Variants in MRAP2 observed in about 807,000 individuals in gnomAD.
MRAP2 encodes the protein melanocortin-2 receptor accessory protein 2.
In MRAP2, 20 loss-of-function variants were observed where a neutral mutation model predicts 17.4. The observed-to-expected ratio is 1.15, with a 90% CI of 0.81 to 1.67. The LOEUF (loss-of-function observed/expected upper bound fraction) is 1.67. MRAP2 is among the 40% of genes most tolerant of loss of function. The pLI is 0.00. For missense variants in MRAP2, 238 were observed against 240.0 expected (o/e 0.99, Z 0.05); for synonymous variants, 96 against 88.4 (o/e 1.09, Z -0.48).
rs1033615877 is a variant in MRAP2 at position 84,090,006 on chromosome 6, G to C, written c.*525G>C. 8.3e-5 allele frequency: 13 copies of C among 155,970 alleles called. No individual in the cohort carries two copies. The highest frequency in any genetic ancestry group is 3.1e-4 in the African/African-American group (13 of 41,518). 9.7% of individuals were successfully genotyped at this position (155,970 alleles called of 1,614,324 possible). ...ACCTATTGTCAGCATTCTTGGGTGA[G>C]GATTAGCCTACCATGTTCTAATCTG... On this transcript the variant is annotated 3_prime_UTR_variant, in exon 4 of 4. Coordinates refer to ENST00000257776, the MANE Select transcript of MRAP2 (RefSeq NM_138409.4).
chr6:84,063,857 G>A (rs2099493799), intron 3 of MRAP2, among the ~76,000 whole-genome samples: 1 of 151,826 alleles, frequency 6.6e-6, no homozygotes, highest in Non-Finnish European at 1.5e-5. Context: ...GACCTGCCTC[G>A]CTATGGTGAA....
rs776388841 is a variant in MRAP2 at position 84,056,887 on chromosome 6, A to T, written c.127+1442A>T. ...CAATTGAATAAAATATTTTTTGAGG[A>T]TATTACATTCTAGAAATAATTATAG... is the stretch of plus-strand genomic sequence containing the variant. On this transcript the variant is annotated intron_variant, in intron 2 of 3. Coordinates refer to ENST00000257776, the MANE Select transcript of MRAP2 (RefSeq NM_138409.4). Among the ~76,000 whole-genome samples, 158 of 152,292 alleles carry T rather than the reference A, an allele frequency of 1.0e-3. 1 individual carries two copies. Among genetic ancestry groups the T allele is most frequent in the Middle Eastern group, 3.4e-3 (1 of 294 alleles).
chr6:84,117,544 G>A, the MRAP2 span, among the ~76,000 whole-genome samples: 11 of 151,246 alleles, frequency 7.3e-5, no homozygotes, highest in African/African-American at 2.4e-4. Context: ...ATTTCAAAAT[G>A]TGTTATTGTT....
chr6:84,133,157 C>G, the MRAP2 span, among the ~76,000 whole-genome samples: 1 of 152,182 alleles, frequency 6.6e-6, no homozygotes, highest in Non-Finnish European at 1.5e-5. Flanking sequence ...GTATCACCAG[C>G]AGAGGCTGCA....
intron 3 of MRAP2, among the ~76,000 whole-genome samples, chr6:84,085,475 G>T (rs2099500196): frequency 1.3e-5 from 2 of 152,156 alleles, no homozygotes; most frequent in Non-Finnish European, 2.9e-5. Context: ...AAAATGTCAG[G>T]AGTTTAGACT....
At chr6:84,112,246 G>T in the MRAP2 span, among the ~76,000 whole-genome samples, 1 of 152,090 alleles carries the variant, frequency 6.6e-6, no homozygotes, top group African/African-American at 2.4e-5. Context: ...GCTTCTTTTG[G>T]TTGGTAGGCT....
intron 3 of MRAP2, among the ~76,000 whole-genome samples, chr6:84,084,752 A>ATC (rs2099499843): frequency 6.6e-6 from 1 of 152,104 alleles, no homozygotes; most frequent in Admixed American, 6.5e-5. Flanking sequence ...AGTTTGAATG[A>ATC]TCTCCATGAT....
chr6:84,105,829 T>C, the MRAP2 span, among the ~76,000 whole-genome samples: 5 of 152,274 alleles, frequency 3.3e-5, no homozygotes, highest in East Asian at 9.7e-4. Context: ...GTTTTATCTC[T>C]TGGTGGAAGT....
In MRAP2 at chr6:84,033,810, G is replaced by A; in HGVS notation, c.-81G>A. ...TGGGCGGTGGGAGGCGGCGGCGGCG[G>A]CGGCGCTCGCGCACCTCGGAGGAGC... On this transcript the variant is annotated 5_prime_UTR_variant, in exon 1 of 4. Coordinates refer to ENST00000257776, the MANE Select transcript of MRAP2 (RefSeq NM_138409.4). The A allele has an allele frequency of 1.0e-6, 1 of 986,788 alleles. No homozygotes were observed. The highest frequency in any genetic ancestry group is 1.2e-6 in the Non-Finnish European group (1 of 831,274). 61.1% of individuals were successfully genotyped at this position (986,788 alleles called of 1,614,324 possible).
intron 3 of MRAP2, among the ~76,000 whole-genome samples, chr6:84,074,336 T>A (rs545011112): frequency 1.3e-5 from 2 of 152,276 alleles, no homozygotes; most frequent in African/African-American, 2.4e-5. Flanking sequence ...CATATCTGGC[T>A]CTCTGGGTGG....
chr6:84,130,173 ATGG>A, the MRAP2 span, among the ~76,000 whole-genome samples: 6 of 152,168 alleles, frequency 3.9e-5, no homozygotes, highest in Non-Finnish European at 8.8e-5. Flanking sequence ...TGATTTGCGT[ATGG>A]TGAACCAGAC....
chr6:84,144,664 G>T, the MRAP2 span, among the ~76,000 whole-genome samples: 1 of 152,158 alleles, frequency 6.6e-6, no homozygotes, highest in South Asian at 2.1e-4. Context: ...TGAAAAGATT[G>T]ATTGGTTCAC....
At chr6:84,057,551 T>G (rs1437545816) in intron 2 of MRAP2, among the ~76,000 whole-genome samples, 3 of 152,194 alleles carry the variant, frequency 2.0e-5, no homozygotes, top group African/African-American at 7.2e-5. Context: ...TTAAACCTTA[T>G]CATGTATCAG....
chr6:84,098,988 T>C, the MRAP2 span, among the ~76,000 whole-genome samples: 3 of 152,058 alleles, frequency 2.0e-5, no homozygotes, highest in East Asian at 5.8e-4. Flanking sequence ...ATAGATATCA[T>C]GCTTTTAGTG....
chr6:84,037,262 G>A (rs547516257), intron 1 of MRAP2, among the ~76,000 whole-genome samples: 2 of 146,080 alleles, frequency 1.4e-5, no homozygotes, highest in South Asian at 4.3e-4. Flanking sequence ...AGTTCTCCAA[G>A]TCCCCACCAG....
At chr6:84,035,604 G>A (rs750251815) in intron 1 of MRAP2, 2 of 171,956 alleles carry the variant, frequency 1.2e-5, no homozygotes, top group African/African-American at 2.4e-5. Flanking sequence ...TTTGTGAAGC[G>A]CGCGCTGGTG....
In MRAP2 at chr6:84,062,909, A is replaced by G. The variant is rs760744804; in HGVS notation, c.144A>G (p.Gly48=). ...LKAHKYSIVI[G]FWVGLAVFVI... is the part of the protein sequence containing the mutation. ...GTCTTTCAGATTCCATTGTGATTGG[A>G]TTTTGGGTTGGTCTTGCAGTCTTCG... The change falls in exon 3 of 4, where the codon GGA becomes GGG. Residue 48 remains glycine (G), a synonymous_variant. Transcript: ENST00000257776. 1.2e-6 allele frequency: 2 copies of G among 1,614,010 alleles called. No individual in the cohort carries two copies. The highest frequency in any genetic ancestry group is 1.7e-6 in the Non-Finnish European group (2 of 1,180,028).
chr6:84,101,229 C>T, the MRAP2 span, among the ~76,000 whole-genome samples: 1 of 152,108 alleles, frequency 6.6e-6, no homozygotes, highest in Non-Finnish European at 1.5e-5. Context: ...TACACTGGCC[C>T]TTTATCTTAT....
At chr6:84,105,778 A>G in the MRAP2 span, among the ~76,000 whole-genome samples, 1 of 152,120 alleles carries the variant, frequency 6.6e-6, no homozygotes, top group Non-Finnish European at 1.5e-5. Context: ...AGCCCAAAGT[A>G]GCTGGATTGC....
Sources: gnomAD v4.1 joint callset for allele counts (sites outside exome capture counted in the v4.1 genomes callset) on GRCh38, gnomAD v4.1.1 for gene constraint, MANE v1.5 for transcripts, NCBI Gene and HGNC (gene_info 2026-07-23, HGNC 2026-07-21) for gene names.